CNTNAP2: variants seen among roughly 807,000 people sequenced by gnomAD.
CNTNAP2 encodes contactin associated protein 2.
Under a neutral mutation model 155.2 loss-of-function variants are expected in CNTNAP2, and 98 were observed. The ratio of observed to expected loss-of-function variants is 0.63; its 90% CI spans 0.54 to 0.75. The LOEUF (loss-of-function observed/expected upper bound fraction) is 0.75. Among genes scored for constraint, CNTNAP2 ranks in the 30% least tolerant of loss-of-function variants. CNTNAP2 has a pLI of 0.00. For synonymous variants in CNTNAP2, 651 were observed against 631.2 expected (o/e 1.03, Z -0.47); for missense variants, 1,727 against 1,688.1 (o/e 1.02, Z -0.40).
intron 1 of CNTNAP2, among the ~76,000 whole-genome samples, chr7:146,571,993 A>G (rs1798448634): frequency 1.3e-5 from 2 of 152,208 alleles, no homozygotes. Context: ...TGCCGGGATT[A>G]CAGGTGTGAG....
chr7:147,618,852 T>C (rs1187269789), intron 12 of CNTNAP2, among the ~76,000 whole-genome samples: 1 of 152,120 alleles, frequency 6.6e-6, no homozygotes, highest in Non-Finnish European at 1.5e-5. Flanking sequence ...GGAATTGAGT[T>C]CTTGAGAAGT....
chr7:146,286,073 A>T (rs1404401474), intron 1 of CNTNAP2, among the ~76,000 whole-genome samples: 1 of 117,760 alleles, frequency 8.5e-6, no homozygotes, highest in Admixed American at 9.6e-5. Context: ...TTTCCCAGGC[A>T]GTTGGTTTAT....
At chr7:147,201,759 C>T (rs977358897) in intron 8 of CNTNAP2, among the ~76,000 whole-genome samples, 3 of 152,046 alleles carry the variant, frequency 2.0e-5, no homozygotes, top group Non-Finnish European at 2.9e-5. Flanking sequence ...TGTGGGTGTC[C>T]CTTTCACTTT....
At chr7:146,461,218 C>T (rs996943548) in intron 1 of CNTNAP2, among the ~76,000 whole-genome samples, 3 of 151,558 alleles carry the variant, frequency 2.0e-5, no homozygotes, top group Admixed American at 6.6e-5. Flanking sequence ...CCTGGTAACA[C>T]GGTGAAACCC....
At chr7:147,241,063 C>A (rs1803926309) in intron 8 of CNTNAP2, among the ~76,000 whole-genome samples, 1 of 152,150 alleles carries the variant, frequency 6.6e-6, no homozygotes, top group Admixed American at 6.5e-5. Context: ...AGTAGAGCAT[C>A]TGTACTTAAA....
chr7:146,937,944 A>G (rs933088208), intron 3 of CNTNAP2, among the ~76,000 whole-genome samples: 11 of 152,170 alleles, frequency 7.2e-5, no homozygotes, highest in Non-Finnish European at 1.5e-4. Context: ...ACAAGGCTGG[A>G]TGCATATTTA....
intron 3 of CNTNAP2, among the ~76,000 whole-genome samples, chr7:146,972,383 T>C (rs1167829541): frequency 6.6e-6 from 1 of 152,178 alleles, no homozygotes; most frequent in Admixed American, 6.5e-5. Context: ...ATTTACAAAA[T>C]GCACAAATTT....
At chr7:146,280,432 C>T (rs909176770) in intron 1 of CNTNAP2, among the ~76,000 whole-genome samples, 1 of 152,058 alleles carries the variant, frequency 6.6e-6, no homozygotes, top group African/African-American at 2.4e-5. Context: ...TAATTCCTAT[C>T]TCACTCTTCT....
chr7:147,620,963 A>G (rs1401063447), intron 12 of CNTNAP2, among the ~76,000 whole-genome samples: 2 of 152,204 alleles, frequency 1.3e-5, no homozygotes, highest in Non-Finnish European at 2.9e-5. Context: ...AAGGATAAAG[A>G]AAGGATTCTA....
At chr7:146,212,334 G>C (rs1334841711) in intron 1 of CNTNAP2, among the ~76,000 whole-genome samples, 2 of 152,118 alleles carry the variant, frequency 1.3e-5, no homozygotes, top group Non-Finnish European at 2.9e-5. Flanking sequence ...CAATGGTCCA[G>C]GGGATGCTAA....
intron 2 of CNTNAP2, among the ~76,000 whole-genome samples, chr7:146,839,044 G>A (rs887689): frequency 0.99 from 151,366 of 152,258 alleles, 75,239 homozygotes; most frequent in Middle Eastern, 1. Context: ...ACTATTTGCT[G>A]AGCAATTCTT....
intron 15 of CNTNAP2, among the ~76,000 whole-genome samples, chr7:148,000,109 A>T (rs1486855358): frequency 1.3e-5 from 2 of 152,202 alleles, no homozygotes; most frequent in South Asian, 4.1e-4. Flanking sequence ...TGTTATGGTT[A>T]AAGGACCATT....
At chr7:147,923,534 G>C (rs969977093) in intron 14 of CNTNAP2, among the ~76,000 whole-genome samples, 2 of 151,994 alleles carry the variant, frequency 1.3e-5, no homozygotes, top group African/African-American at 4.8e-5. Context: ...ATTTTTTAGA[G>C]GTGGCATCTC....
At chr7:146,727,859 A>G (rs116514675) in intron 1 of CNTNAP2, among the ~76,000 whole-genome samples, 1 of 152,152 alleles carries the variant, frequency 6.6e-6, no homozygotes, top group Non-Finnish European at 1.5e-5. Context: ...GGACAGGGAG[A>G]TGTCCCTGAT....
intron 9 of CNTNAP2, among the ~76,000 whole-genome samples, chr7:147,388,637 A>G (rs566443812): frequency 5.3e-5 from 8 of 151,642 alleles, no homozygotes; most frequent in Admixed American, 1.3e-4. Context: ...CTGGAGTGCA[A>G]TGGCGCAATC....
chr7:146,151,674 A>ATATG (rs1562969037), intron 1 of CNTNAP2, among the ~76,000 whole-genome samples: 2 of 41,634 alleles, frequency 4.8e-5, no homozygotes, highest in Non-Finnish European at 8.9e-5. Flanking sequence ...ATATATATAT[A>ATATG]TATATATGTA....
chr7:146,810,409 G>T (rs1170894446), intron 2 of CNTNAP2, among the ~76,000 whole-genome samples: 1 of 150,100 alleles, frequency 6.7e-6, no homozygotes, highest in Admixed American at 6.6e-5. Flanking sequence ...CACCTCCTAG[G>T]TTAAATTTAT....
In CNTNAP2 at chr7:146,441,356, A is replaced by G. The variant is rs77606978; in HGVS notation, c.97+324383A>G. ...GGACTTTCATATTGCAAGACAATTC[A>G]TATGCAAGTTGTCCTCAAGTCATCT... On this transcript the variant is annotated intron_variant, in intron 1 of 23. Coordinates refer to ENST00000361727, the MANE Select transcript of CNTNAP2 (RefSeq NM_014141.6). 1.2e-4 allele frequency among the ~76,000 whole-genome samples: 18 copies of G among 151,614 alleles called. No homozygotes were observed. The South Asian group carries it at 1.2e-3, about 10-fold the overall frequency.
At chr7:147,135,782 TA>T (rs58906795) in intron 8 of CNTNAP2, among the ~76,000 whole-genome samples, 8,522 of 141,042 alleles carry the variant, frequency 0.06, 295 homozygotes, top group Middle Eastern at 0.1. Flanking sequence ...GCTTTATTCT[TA>T]AAAAAAAAAA....
Sources: gnomAD v4.1 joint callset for allele counts (sites outside exome capture counted in the v4.1 genomes callset) on GRCh38, gnomAD v4.1.1 for gene constraint, MANE v1.5 for transcripts, NCBI Gene and HGNC (gene_info 2026-07-23, HGNC 2026-07-21) for gene names.